CSRP3: variants seen among roughly 807,000 people sequenced by gnomAD.
CSRP3 encodes cysteine and glycine-rich protein 3.
Under a neutral mutation model 24.3 loss-of-function variants are expected in CSRP3, and 24 were observed. That is an observed-to-expected ratio of 0.99 (90% CI 0.71 to 1.39). The LOEUF (loss-of-function observed/expected upper bound fraction) is 1.39. Among genes scored for constraint, CSRP3 ranks in the 40% most tolerant of loss-of-function variants. The pLI is 0.00. For missense variants in CSRP3, 240 were observed against 249.0 expected (o/e 0.96, Z 0.24); for synonymous variants, 105 against 94.0 (o/e 1.12, Z -0.68).
At chr11:19,185,528 C>T (rs897227026) in intron 4 of CSRP3, among the ~76,000 whole-genome samples, 1 of 152,244 alleles carries the variant, frequency 6.6e-6, no homozygotes, top group African/African-American at 2.4e-5. Context: ...CTCCATCCTC[C>T]TGCACATCTG....
chr11:19,186,209 G>A lies in CSRP3; in HGVS notation c.414+7C>T. On this transcript the variant is annotated splice_region_variant and intron_variant, in intron 4 of 5. Transcript: ENST00000265968. ...AAATTCTGTCTGGCTCATACAGAAG[G>A]TCTTACCTTGCCACCTCCCATAACC... The A allele has an allele frequency of 6.2e-7, 1 of 1,614,178 alleles. No individual in the cohort carries two copies. Among genetic ancestry groups the A allele is most frequent in the Non-Finnish European group, 8.5e-7 (1 of 1,180,046 alleles).
intron 4 of CSRP3, 86 bp downstream of exon 4, chr11:19,186,130 T>A: frequency 6.4e-7 from 1 of 1,551,064 alleles, no homozygotes. Flanking sequence ...TGACAGCTGC[T>A]TGCAGCTCCC....
intron 4 of CSRP3, 37 bp downstream of exon 4, chr11:19,186,179 T>G: frequency 6.2e-7 from 1 of 1,614,086 alleles, no homozygotes; most frequent in Non-Finnish European, 8.5e-7. Context: ...CTGGTGGAGA[T>G]GAGCAAATTC....
intron 5 of CSRP3, 85 bp downstream of exon 5, chr11:19,184,867 A>G: frequency 9.8e-7 from 1 of 1,021,372 alleles, no homozygotes; most frequent in Non-Finnish European, 1.6e-6. Flanking sequence ...AGACACGGGA[A>G]GACCTCCAGG....
Position 19,182,219 on chromosome 11 carries a change from C to T in CSRP3, c.*451G>A. On this transcript the variant is annotated 3_prime_UTR_variant, in exon 6 of 6. Transcript: ENST00000265968. ...CTCCCAGACCCCCTGTTTTCTTCTC[C>T]ATTAGCAGTAACTAGAAAGACACTT... 1 of 168,920 alleles carries T rather than the reference C, an allele frequency of 5.9e-6. No individual in the cohort carries two copies. 10.5% of individuals were successfully genotyped at this position (168,920 alleles called of 1,614,324 possible).
intron 1 of CSRP3, among the ~76,000 whole-genome samples, chr11:19,198,741 A>G (rs1850785309): frequency 6.6e-6 from 1 of 152,196 alleles, no homozygotes; most frequent in Non-Finnish European, 1.5e-5. Flanking sequence ...CTTTGGAAGA[A>G]CCAAGCTTAA....
intron 2 of CSRP3, among the ~76,000 whole-genome samples, chr11:19,189,469 GAAT>G (rs1460989483): frequency 2.6e-5 from 4 of 152,058 alleles, no homozygotes; most frequent in African/African-American, 7.3e-5. Context: ...ATATCCCCAG[GAAT>G]AATAATATGT....
chr11:19,200,680 C>T (rs759814752), intron 1 of CSRP3, among the ~76,000 whole-genome samples: 9 of 152,222 alleles, frequency 5.9e-5, no homozygotes, highest in African/African-American at 1.2e-4. Context: ...TGACCACAAA[C>T]GACTGAGTTG....
chr11:19,198,457 G>A (rs753321224), intron 1 of CSRP3, among the ~76,000 whole-genome samples: 6 of 152,186 alleles, frequency 3.9e-5, no homozygotes, highest in Non-Finnish European at 7.3e-5. Flanking sequence ...TCTGAGTTAC[G>A]GCTGTTCAAC....
intron 2 of CSRP3, among the ~76,000 whole-genome samples, chr11:19,189,383 A>C (rs879505560): frequency 2.0e-5 from 3 of 152,256 alleles, no homozygotes; most frequent in Non-Finnish European, 4.4e-5. Context: ...CCATGTAATG[A>C]CTTGCTACAT....
chr11:19,194,521 C>T (rs1850665922), intron 1 of CSRP3, among the ~76,000 whole-genome samples: 1 of 152,008 alleles, frequency 6.6e-6, no homozygotes, highest in Non-Finnish European at 1.5e-5. Flanking sequence ...TACCCCACCC[C>T]CCAAAAAATT....
In CSRP3 at chr11:19,188,226, C is replaced by T. The variant is rs375014380; in HGVS notation, c.191G>A (p.Arg64His). 3.5e-5 allele frequency: 56 copies of T among 1,613,492 alleles called. No individual in the cohort carries two copies. The highest frequency in any genetic ancestry group is 4.5e-5 in the East Asian group (2 of 44,896). The change falls in exon 3 of 6, where the codon CGC (arginine) becomes CAC (histidine). Residue 64 changes from arginine (R) to histidine (H), a missense_variant. Transcript: ENST00000265968. ...CCCGATCCCTTTGGGGCCATATCTG[C>T]GCCCATAGCACACCTTGCAGTAGAT... ...SEIYCKVCYGRRYGPKGIGYG... is the reference protein window; with the variant it reads ...SEIYCKVCYGHRYGPKGIGYG...
At position 19,192,398 on chromosome 11, in the gene CSRP3, G is replaced by T; in HGVS notation, c.51C>A (p.Val17=). The change falls in exon 2 of 6, where the codon GTC becomes GTA. Residue 17 remains valine, a synonymous_variant. Coordinates refer to ENST00000265968, the MANE Select transcript of CSRP3 (RefSeq NM_003476.5). ...TGCACTGGATTTCTTCTGCATGGTA[G>T]ACGGTCTTTTCACAGGCTCCACATT... ...GAKCGACEKT[V]YHAEEIQCNG... 1.2e-6 allele frequency: 2 copies of T among 1,614,216 alleles called. No homozygotes were observed. The highest frequency in any genetic ancestry group is 1.7e-6 in the Non-Finnish European group (2 of 1,180,030).
Position 19,186,056 on chromosome 11 carries a change from C to A in CSRP3, c.414+160G>T, listed in dbSNP as rs151029020. On this transcript the variant is annotated intron_variant, in intron 4 of 5. Transcript: ENST00000265968. ...AAGGGCAATGCTAGATGACAGACAG[C>A]CCCAGCCTGGGAAAGTGGCTGAGGA... Among the ~76,000 whole-genome samples the A allele has an allele frequency of 8.5e-5, 13 of 152,232 alleles. No homozygotes were observed. The South Asian group carries it at 1.0e-3, about 12-fold the overall frequency.
chr11:19,184,458 C>T (rs555610768), intron 5 of CSRP3, among the ~76,000 whole-genome samples: 166 of 152,274 alleles, frequency 1.1e-3, no homozygotes, highest in African/African-American at 3.7e-3. Flanking sequence ...CGTGCAACAT[C>T]GACAACAGAA....
intron 5 of CSRP3, among the ~76,000 whole-genome samples, chr11:19,183,981 G>C (rs1850482176): frequency 6.6e-6 from 1 of 152,160 alleles, no homozygotes; most frequent in Admixed American, 6.5e-5. Flanking sequence ...TGTAAGGTGT[G>C]ACTTTGCTCC....
In CSRP3 at chr11:19,182,440, C is replaced by T. The variant is rs1342874441; in HGVS notation, c.*230G>A. ...GCACTAAAACATTTATTTATTGCCTCTCCCATTCCAAGCATTATAAATAAT... is the reference window on the plus strand; with the variant it reads ...GCACTAAAACATTTATTTATTGCCTTTCCCATTCCAAGCATTATAAATAAT... On this transcript the variant is annotated 3_prime_UTR_variant, in exon 6 of 6. Transcript: ENST00000265968. The T allele has an allele frequency of 1.7e-6, 1 of 586,300 alleles. No individual in the cohort carries two copies. Among genetic ancestry groups the T allele is most frequent in the Non-Finnish European group, 3.1e-6 (1 of 327,732 alleles). The allele number at this position is 586,300 out of a possible 1,614,324, so 36.3% of individuals were successfully genotyped here.
intron 5 of CSRP3, 80 bp downstream of exon 5, chr11:19,184,872 T>C: frequency 9.2e-7 from 1 of 1,091,890 alleles, no homozygotes; most frequent in Non-Finnish European, 1.4e-6. Context: ...CGGGAAGACC[T>C]CCAGGCATGA....
At chr11:19,183,766 A>G (rs1295314003) in intron 5 of CSRP3, among the ~76,000 whole-genome samples, 1 of 152,144 alleles carries the variant, frequency 6.6e-6, no homozygotes. Context: ...ATCACAGGAA[A>G]AGCTTTGGCA....
Sources: allele counts gnomAD v4.1 joint callset (sites outside exome capture counted in the v4.1 genomes callset), GRCh38; gene constraint gnomAD v4.1.1; transcripts MANE v1.5; gene names NCBI Gene and HGNC (gene_info 2026-07-23, HGNC 2026-07-21).